VPS37C: variants seen among roughly 807,000 people sequenced by gnomAD.
VPS37C encodes the protein vacuolar protein sorting-associated protein 37C.
In VPS37C, 9 loss-of-function variants were observed where a neutral mutation model predicts 16.1. That is an observed-to-expected ratio of 0.56 (90% CI 0.34 to 0.97). VPS37C has a LOEUF of 0.97. VPS37C is among the 50% of genes least tolerant of loss of function. VPS37C has a pLI of 0.02. For synonymous variants in VPS37C, 207 were observed against 206.4 expected, an observed-to-expected ratio of 1.00 and a Z score of -0.02; for missense variants, 479 against 472.7, an observed-to-expected ratio of 1.01 and a Z score of -0.12.
At chr11:61,152,346 G>A (rs1853310016) in intron 1 of VPS37C, among the ~76,000 whole-genome samples, 1 of 152,118 alleles carries the variant, frequency 6.6e-6, no homozygotes, top group Non-Finnish European at 1.5e-5. Flanking sequence ...CCAAGCCAGG[G>A]CCTTCTCAAA....
intron 2 of VPS37C, chr11:61,138,514 C>T: frequency 3.7e-6 from 2 of 539,708 alleles, no homozygotes; most frequent in Non-Finnish European, 6.7e-6. Flanking sequence ...TATCTGGGTC[C>T]TGGGAAGGCA....
intron 1 of VPS37C, among the ~76,000 whole-genome samples, chr11:61,159,318 AAT>A (rs1464722465): frequency 3.9e-5 from 6 of 152,208 alleles, no homozygotes; most frequent in African/African-American, 1.4e-4. Flanking sequence ...TGCATTTGTT[AAT>A]AGATTTCTGG....
In VPS37C at chr11:61,132,063, G is replaced by T; in HGVS notation, c.825C>A (p.Thr275=). The T allele has an allele frequency of 7.2e-7, 1 of 1,391,632 alleles. No homozygotes were observed. The highest frequency in any genetic ancestry group is 2.9e-5 in the East Asian group (1 of 34,476). 86.2% of individuals were successfully genotyped at this position (1,391,632 alleles called of 1,614,324 possible). ...ACCCAGGCCCAGAGGCACCCATTGG[G>T]GTCCCAGGATAGCCCGGCCGGGGTG... The part of the protein sequence containing the change: ...SMPPRPGYPG[T]PMGASGPGYP... The change falls in exon 5 of 5, where the codon ACC becomes ACA. Residue 275 remains threonine, a synonymous_variant. Transcript: ENST00000301765.
In VPS37C at chr11:61,131,963, G is replaced by A. The variant is rs891199076; in HGVS notation, c.925C>T (p.Pro309Ser). ...QSPYPATGGK[P>S]PYPIQPQLPS... ...AGCTGAGGCTGTATTGGGTAGGGAG[G>A]TTTTCCTCCTGTTGCGGGGTATGGG... The change falls in exon 5 of 5, where the codon CCT becomes TCT. Residue 309 changes from proline to serine, a missense_variant. Pro to Ser is a moderately conservative substitution (Grantham distance 74, BLOSUM62 -1). Coordinates refer to ENST00000301765, the MANE Select transcript of VPS37C (RefSeq NM_017966.5). 4 of 1,316,178 alleles carry A rather than the reference G, an allele frequency of 3.0e-6. No homozygotes were observed. The highest frequency in any genetic ancestry group is 3.9e-6 in the Non-Finnish European group (4 of 1,026,590). 81.5% of individuals were successfully genotyped at this position (1,316,178 alleles called of 1,614,324 possible).
chr11:61,139,753 T>TTTG, intron 1 of VPS37C, among the ~76,000 whole-genome samples: 1 of 151,342 alleles, frequency 6.6e-6, no homozygotes, highest in East Asian at 1.9e-4. Context: ...TTTTTTTTTT[T>TTTG]TTTTTTTTGA....
intron 1 of VPS37C, among the ~76,000 whole-genome samples, chr11:61,153,695 T>C (rs1250417907): frequency 6.6e-6 from 1 of 152,130 alleles, no homozygotes; most frequent in Non-Finnish European, 1.5e-5. Flanking sequence ...TCCAAGTTAC[T>C]CCTAGAGGGA....
intron 1 of VPS37C, among the ~76,000 whole-genome samples, chr11:61,140,154 C>T (rs909724465): frequency 1.3e-5 from 2 of 152,188 alleles, no homozygotes; most frequent in African/African-American, 4.8e-5. Flanking sequence ...CAGCACTCAG[C>T]TAGGGTGAGC....
At chr11:61,134,237 A>C (rs1403723037) in intron 2 of VPS37C, 30 bp from the exon 3 acceptor site, 1 of 1,594,490 alleles carries the variant, frequency 6.3e-7, no homozygotes, top group African/African-American at 1.3e-5. Flanking sequence ...GAACCTAAGG[A>C]AAACGTCCAT....
At chr11:61,145,898 C>T (rs1204031060) in intron 1 of VPS37C, among the ~76,000 whole-genome samples, 1 of 152,228 alleles carries the variant, frequency 6.6e-6, no homozygotes, top group Non-Finnish European at 1.5e-5. Flanking sequence ...TGGCCCAGAG[C>T]CCCTCCCCCT....
chr11:61,156,214 C>T (rs1853374021), intron 1 of VPS37C, among the ~76,000 whole-genome samples: 1 of 152,160 alleles, frequency 6.6e-6, no homozygotes, highest in Non-Finnish European at 1.5e-5. Context: ...TAGATTTAAA[C>T]TCAACCATAT....
At chr11:61,133,151 C>A in intron 4 of VPS37C, 104 bp downstream of exon 4, 1 of 1,305,116 alleles carries the variant, frequency 7.7e-7, no homozygotes, top group Non-Finnish European at 1.1e-6. Context: ...TACGAAAGCT[C>A]CCTTGTTCCA....
At position 61,133,019 on chromosome 11, in the gene VPS37C, A is replaced by C. The variant is rs1861301191; in HGVS notation, c.348+236T>G. The C allele has an allele frequency of 4.7e-6, 3 of 637,246 alleles. No individual in the cohort carries two copies. In the African/African-American group the frequency reaches 5.4e-5, roughly 11 times the overall value. 39.5% of individuals were successfully genotyped at this position (637,246 alleles called of 1,614,324 possible). ...CTCCTGCTGTGCTGCCCTACCATCC[A>C]GGGCTGCGAGCTGCCCTTGTCCACT... On this transcript the variant is annotated intron_variant, in intron 4 of 4. Coordinates refer to ENST00000301765, the MANE Select transcript of VPS37C (RefSeq NM_017966.5).
At chr11:61,161,128 G>A (rs997035186) in intron 1 of VPS37C, 8 of 152,374 alleles carry the variant, frequency 5.3e-5, no homozygotes, top group African/African-American at 1.9e-4. Context: ...GTGGCGGTGA[G>A]TGGTGGGGCG....
At position 61,132,604 on chromosome 11, in the gene VPS37C, G is replaced by A. The variant is rs997228126; in HGVS notation, c.349-65C>T. Reference sequence around the variant, plus strand: ...GATCAAGGCCTCTTGATTTTCCCCAGGGTCTGAGTTCAGCTGCAGCCCTCC... The same window carrying A: ...GATCAAGGCCTCTTGATTTTCCCCAAGGTCTGAGTTCAGCTGCAGCCCTCC... On this transcript the variant is annotated intron_variant, in intron 4 of 4. Transcript: ENST00000301765. 7 of 1,516,034 alleles carry A rather than the reference G, an allele frequency of 4.6e-6. No homozygotes were observed. The African/African-American group carries it at 7.0e-5, about 15-fold the overall frequency. 93.9% of individuals were successfully genotyped at this position (1,516,034 alleles called of 1,614,324 possible). A position where few individuals can be genotyped will look rare whatever the true frequency, so the allele number is the denominator to read the frequency against.
rs185138470 is a variant in VPS37C at position 61,159,785 on chromosome 11, C to A, written c.-7+1606G>T. On this transcript the variant is annotated intron_variant, in intron 1 of 4. Transcript: ENST00000301765. ...GGGCGTGGTGGTGGGCACCTATAAT[C>A]CCAGCTACTTGGGAGGCTGAGGCAG... is the stretch of plus-strand genomic sequence containing the variant. 9.3e-3 allele frequency among the ~76,000 whole-genome samples: 1,396 copies of A among 150,392 alleles called. 26 individuals are homozygous for A. Among genetic ancestry groups the A allele is most frequent in the African/African-American group, 0.032 (1,310 of 40,856 alleles).
chr11:61,134,207 C>G lies in VPS37C; in HGVS notation c.94G>C (p.Val32Leu), dbSNP rs1426793326. ...IDQLALESPE[V>L]QDLQLEREMA... ...TCCCGTTCCAGCTGTAGGTCCTGGACCTAAAAGGGCAGGACAACAGAACCT... is the reference window on the plus strand; with the variant it reads ...TCCCGTTCCAGCTGTAGGTCCTGGAGCTAAAAGGGCAGGACAACAGAACCT... Residue 32 changes from valine (V) to leucine (L), a missense_variant and splice_region_variant, in exon 3 of 5, where the codon GTC becomes CTC. Transcript: ENST00000301765. 6.2e-7 allele frequency: 1 copy of G among 1,610,164 alleles called. No homozygotes were observed. Among genetic ancestry groups the G allele is most frequent in the Non-Finnish European group, 8.5e-7 (1 of 1,177,106 alleles).
At chr11:61,148,054 G>A (rs1369985497) in intron 1 of VPS37C, among the ~76,000 whole-genome samples, 2 of 152,180 alleles carry the variant, frequency 1.3e-5, no homozygotes, top group Non-Finnish European at 2.9e-5. Context: ...AAAGAGCTTT[G>A]CAAACTCCTG....
chr11:61,156,536 G>C (rs187213755), intron 1 of VPS37C, among the ~76,000 whole-genome samples: 38 of 152,142 alleles, frequency 2.5e-4, no homozygotes, highest in Admixed American at 2.0e-3. Flanking sequence ...AGTGAGTCAA[G>C]ATCACACCAC....
intron 1 of VPS37C, among the ~76,000 whole-genome samples, chr11:61,155,203 A>G (rs1853360271): frequency 6.6e-6 from 1 of 151,924 alleles, no homozygotes; most frequent in Non-Finnish European, 1.5e-5. Context: ...AAATAAACAG[A>G]CCAGGTGTGG....
Sources: gnomAD v4.1 joint callset for allele counts (sites outside exome capture counted in the v4.1 genomes callset) on GRCh38, gnomAD v4.1.1 for gene constraint, MANE v1.5 for transcripts, NCBI Gene and HGNC (gene_info 2026-07-23, HGNC 2026-07-21) for gene names.